ELAVL2: variants seen among roughly 807,000 people sequenced by gnomAD.
ELAVL2 encodes the protein ELAV like RNA binding protein 2.
Under a neutral mutation model 34.6 loss-of-function variants are expected in ELAVL2, and 4 were observed. The ratio of observed to expected loss-of-function variants is 0.12; its 90% CI spans 0.06 to 0.26. The LOEUF (loss-of-function observed/expected upper bound fraction) is 0.26. Ranked by LOEUF, ELAVL2 falls within the 10% of genes least tolerant of loss-of-function variation. ELAVL2 has a pLI of 1.00. For synonymous variants in ELAVL2, 193 were observed against 154.8 expected (o/e 1.25, Z -1.83); for missense variants, 432 against 442.8 (o/e 0.98, Z 0.22).
chr9:23,850,115 G>A, the ELAVL2 span, among the ~76,000 whole-genome samples: 1 of 151,658 alleles, frequency 6.6e-6, no homozygotes, highest in Non-Finnish European at 1.5e-5. Context: ...GGGAGGGGGT[G>A]GGGGTGGAAA....
chr9:23,823,227 A>G (rs1393907787), intron 1 of ELAVL2, among the ~76,000 whole-genome samples: 1 of 152,224 alleles, frequency 6.6e-6, no homozygotes, highest in African/African-American at 2.4e-5. Flanking sequence ...TTGACCTCTC[A>G]GTAAATAGTT....
At chr9:23,820,926 G>C (rs550881689) in intron 1 of ELAVL2, among the ~76,000 whole-genome samples, 1 of 152,114 alleles carries the variant, frequency 6.6e-6, no homozygotes, top group Non-Finnish European at 1.5e-5. Flanking sequence ...CGGCTGCGAC[G>C]GGCCTCACCT....
intron 1 of ELAVL2, among the ~76,000 whole-genome samples, chr9:23,802,239 G>A (rs1446889893): frequency 6.6e-6 from 1 of 152,122 alleles, no homozygotes. Flanking sequence ...GTTGTATGTA[G>A]ATGTGTGGGC....
chr9:23,799,747 A>G (rs1249155217), intron 1 of ELAVL2, among the ~76,000 whole-genome samples: 1 of 152,318 alleles, frequency 6.6e-6, no homozygotes, highest in South Asian at 2.1e-4. Flanking sequence ...AAGCTTCTTT[A>G]CAGACCTAAC....
intron 5 of ELAVL2, among the ~76,000 whole-genome samples, chr9:23,699,812 G>GTTTTTTTTTTTTTTTTTTTT (rs199637833): frequency 4.8e-5 from 4 of 82,978 alleles, no homozygotes; most frequent in Non-Finnish European, 7.0e-5. Context: ...GGTGGCAAAG[G>GTTTTTTTTTTTTTTTTTTTT]TTTTTTTTTT....
intron 1 of ELAVL2, among the ~76,000 whole-genome samples, chr9:23,788,890 A>G (rs1304329821): frequency 6.6e-6 from 1 of 152,218 alleles, no homozygotes; most frequent in Admixed American, 6.5e-5. Context: ...AAGTACACGC[A>G]GTGTAAAACT....
the ELAVL2 span, among the ~76,000 whole-genome samples, chr9:23,836,333 A>G: frequency 2.6e-5 from 4 of 152,176 alleles, no homozygotes; most frequent in Admixed American, 6.5e-5. Context: ...ATTTCCTTGA[A>G]TTATTTTCAC....
chr9:23,699,838 T>TTG, intron 5 of ELAVL2, among the ~76,000 whole-genome samples: 1 of 95,700 alleles, frequency 1.0e-5, no homozygotes, highest in Non-Finnish European at 2.1e-5. Flanking sequence ...TTTTTTTTTT[T>TTG]TTTTTTTTTT....
rs1005787545 is a variant in ELAVL2 at position 23,759,767 on chromosome 9, T to C, written c.229+2239A>G. On this transcript the variant is annotated intron_variant, in intron 2 of 6. Transcript: ENST00000397312. Reference sequence around the variant, plus strand: ...TCATATATAGTATTATATATATATATATATATATATATATATATATATAAT... The same window carrying C: ...TCATATATAGTATTATATATATATACATATATATATATATATATATATAAT... Among the ~76,000 whole-genome samples, 18 of 133,624 alleles carry C rather than the reference T, an allele frequency of 1.3e-4. 2 individuals carry two copies. Among genetic ancestry groups the C allele is most frequent in the African/African-American group, 5.0e-4 (18 of 36,206 alleles). 87.7% of individuals were successfully genotyped at this position (133,624 alleles called of 152,430 possible).
chr9:23,737,507 T>C (rs1025357467), intron 2 of ELAVL2, among the ~76,000 whole-genome samples: 1 of 152,258 alleles, frequency 6.6e-6, no homozygotes, highest in African/African-American at 2.4e-5. Flanking sequence ...TACATAAATC[T>C]GTTCCACAAA....
intron 6 of ELAVL2, 21 bp from the exon 7 acceptor site, chr9:23,692,905 T>C: frequency 6.3e-7 from 1 of 1,592,332 alleles, no homozygotes; most frequent in South Asian, 1.1e-5. Flanking sequence ...GAATAGGAAA[T>C]ACACACATAC....
At chr9:23,770,732 G>A (rs1232170485) in intron 1 of ELAVL2, among the ~76,000 whole-genome samples, 1 of 152,216 alleles carries the variant, frequency 6.6e-6, no homozygotes, top group East Asian at 1.9e-4. Flanking sequence ...TTAGCCCACT[G>A]AGAACCACTT....
At chr9:23,759,278 C>G (rs774507447) in intron 2 of ELAVL2, among the ~76,000 whole-genome samples, 1 of 151,916 alleles carries the variant, frequency 6.6e-6, no homozygotes, top group Non-Finnish European at 1.5e-5. Context: ...AAACATGGGT[C>G]AACTTAGAGG....
At chr9:23,804,093 T>A (rs2061905467) in intron 1 of ELAVL2, among the ~76,000 whole-genome samples, 1 of 152,200 alleles carries the variant, frequency 6.6e-6, no homozygotes, top group South Asian at 2.1e-4. Context: ...ATTATAATAA[T>A]TTGTGCAAAT....
chr9:23,758,081 G>A (rs1236342018), intron 2 of ELAVL2, among the ~76,000 whole-genome samples: 2 of 152,008 alleles, frequency 1.3e-5, no homozygotes, highest in South Asian at 2.1e-4. Context: ...CTACAAAATC[G>A]GAATACAGAA....
intron 1 of ELAVL2, among the ~76,000 whole-genome samples, chr9:23,785,383 A>C (rs1219358953): frequency 3.3e-5 from 5 of 152,232 alleles, no homozygotes; most frequent in Non-Finnish European, 2.9e-5. Flanking sequence ...ACCAAAGCAT[A>C]TTATAAAATG....
intron 1 of ELAVL2, among the ~76,000 whole-genome samples, chr9:23,772,358 A>G (rs35870268): frequency 0.03 from 4,570 of 152,228 alleles, 82 homozygotes; most frequent in East Asian, 0.069. Flanking sequence ...TAAAGGGAAA[A>G]TAAAAGACAA....
intron 2 of ELAVL2, among the ~76,000 whole-genome samples, chr9:23,732,516 AAG>A (rs1334439178): frequency 1.3e-5 from 2 of 152,228 alleles, no homozygotes. Flanking sequence ...AGTTCTAGTA[AAG>A]AGTCACATGT....
intron 1 of ELAVL2, among the ~76,000 whole-genome samples, chr9:23,804,617 T>C (rs1018605540): frequency 2.6e-5 from 4 of 152,330 alleles, no homozygotes; most frequent in Admixed American, 1.3e-4. Flanking sequence ...AATTTAAAGA[T>C]AGAAATTGCT....
Sources: allele counts gnomAD v4.1 joint callset (sites outside exome capture counted in the v4.1 genomes callset), GRCh38; gene constraint gnomAD v4.1.1; transcripts MANE v1.5; gene names NCBI Gene and HGNC (gene_info 2026-07-23, HGNC 2026-07-21).